NELL1: variants seen among roughly 807,000 people sequenced by gnomAD.
The protein encoded by NELL1 is protein kinase C-binding protein NELL1.
In NELL1, 76 loss-of-function variants were observed where a neutral mutation model predicts 107.4. The observed-to-expected ratio is 0.71, with a 90% CI of 0.59 to 0.86. The LOEUF (loss-of-function observed/expected upper bound fraction) is 0.86. NELL1 is among the 40% of genes least tolerant of loss of function. The pLI, the probability that NELL1 is intolerant of heterozygous loss-of-function variation, is 0.00. For missense variants in NELL1, 1,024 were observed against 1,005.5 expected, an observed-to-expected ratio of 1.02 and a Z score of -0.25; for synonymous variants, 353 against 341.2, an observed-to-expected ratio of 1.03 and a Z score of -0.38.
Position 20,783,759 on chromosome 11 carries a change from C to T in NELL1, c.264C>T (p.Thr88=). The T allele has an allele frequency of 1.2e-6, 2 of 1,613,886 alleles. No individual in the cohort carries two copies. The highest frequency in any genetic ancestry group is 1.7e-6 in the Non-Finnish European group (2 of 1,179,858). ...TGTTCCGGAACAAGAGTGAATTCAC[C>T]ATTTTGGCCACTGTACAGCAGAAGC... ...IQLFRNKSEF[T]ILATVQQKPS... Residue 88 remains threonine (T), a synonymous_variant, in exon 3 of 20, where the codon ACC becomes ACT. Transcript: ENST00000357134.
intron 4 of NELL1, among the ~76,000 whole-genome samples, chr11:20,877,196 G>A (rs1849321615): frequency 6.6e-6 from 1 of 152,180 alleles, no homozygotes; most frequent in African/African-American, 2.4e-5. Flanking sequence ...GTAAAGATGA[G>A]GCTCTGTATA....
At chr11:21,292,202 T>G (rs1025333207) in intron 14 of NELL1, among the ~76,000 whole-genome samples, 2 of 152,306 alleles carry the variant, frequency 1.3e-5, no homozygotes, top group Admixed American at 1.3e-4. Flanking sequence ...AAAATCTCCT[T>G]AACCTACCTG....
intron 5 of NELL1, among the ~76,000 whole-genome samples, chr11:20,903,757 G>A (rs948583519): frequency 2.0e-5 from 3 of 152,112 alleles, no homozygotes; most frequent in African/African-American, 7.2e-5. Context: ...TAGAAAACCT[G>A]AAGCTGCTGT....
chr11:21,509,718 A>G (rs1208780555), intron 15 of NELL1, among the ~76,000 whole-genome samples: 2 of 152,198 alleles, frequency 1.3e-5, no homozygotes, highest in Non-Finnish European at 2.9e-5. Context: ...GGAAGATGTC[A>G]TCAGATAGAC....
In NELL1 at chr11:20,743,261, G is replaced by A. The variant is rs374018634; in HGVS notation, c.185-40419G>A. Among the ~76,000 whole-genome samples the A allele has an allele frequency of 5.9e-5, 9 of 151,830 alleles. No individual in the cohort carries two copies. In the East Asian group the frequency reaches 1.8e-3, roughly 30 times the overall value. On this transcript the variant is annotated intron_variant, in intron 2 of 19. Transcript: ENST00000357134. ...CCTAGCTACTTGGGAGACTGAGGTG[G>A]GACAATCCTTGAACCCGGGGGGTGG...
intron 14 of NELL1, among the ~76,000 whole-genome samples, chr11:21,300,612 T>G (rs905550909): frequency 2.0e-5 from 3 of 151,968 alleles, no homozygotes; most frequent in Admixed American, 6.6e-5. Context: ...CTTTTCCATT[T>G]TCTCTTCTTC....
chr11:20,781,505 A>T (rs1266479504), intron 2 of NELL1, among the ~76,000 whole-genome samples: 1 of 152,198 alleles, frequency 6.6e-6, no homozygotes, highest in Non-Finnish European at 1.5e-5. Context: ...CATAGCTGAT[A>T]GGATATTCAT....
chr11:21,448,831 TCAGA>T (rs750923273), intron 15 of NELL1, among the ~76,000 whole-genome samples: 3 of 152,332 alleles, frequency 2.0e-5, no homozygotes, highest in Non-Finnish European at 4.4e-5. Flanking sequence ...TCCTATTTTA[TCAGA>T]CATTTTTCAT....
intron 19 of NELL1, 129 bp from the exon 20 acceptor site, chr11:21,574,843 T>C: frequency 5.6e-6 from 4 of 715,860 alleles, no homozygotes; most frequent in South Asian, 1.8e-5. Context: ...CATTTTTTTC[T>C]AGTCATTTTT....
intron 3 of NELL1, among the ~76,000 whole-genome samples, chr11:20,833,236 G>A (rs1253061998): frequency 6.6e-6 from 1 of 152,102 alleles, no homozygotes; most frequent in Non-Finnish European, 1.5e-5. Context: ...CTTCAATATT[G>A]TATATAAAGT....
intron 14 of NELL1, among the ~76,000 whole-genome samples, chr11:21,316,398 TAAAAAG>T (rs1565164143): frequency 6.6e-6 from 1 of 152,184 alleles, no homozygotes; most frequent in African/African-American, 2.4e-5. Flanking sequence ...TGAAAACACT[TAAAAAG>T]AAGGAAGCCA....
intron 1 of NELL1, among the ~76,000 whole-genome samples, chr11:20,674,029 A>G (rs774727716): frequency 6.6e-6 from 1 of 152,218 alleles, no homozygotes; most frequent in Non-Finnish European, 1.5e-5. Context: ...GAAGAAAACT[A>G]TCCAGAAGCC....
intron 15 of NELL1, among the ~76,000 whole-genome samples, chr11:21,379,317 T>C (rs1196962120): frequency 1.3e-5 from 2 of 152,072 alleles, no homozygotes; most frequent in Non-Finnish European, 2.9e-5. Flanking sequence ...ATGCTGATGC[T>C]ATAAAAATAG....
chr11:20,764,044 G>A (rs542050732), intron 2 of NELL1, among the ~76,000 whole-genome samples: 1 of 152,296 alleles, frequency 6.6e-6, no homozygotes, highest in East Asian at 1.9e-4. Context: ...TGGGAATATG[G>A]GCTCTGCGTT....
chr11:20,726,093 T>G (rs1855501903), intron 2 of NELL1, among the ~76,000 whole-genome samples: 1 of 152,240 alleles, frequency 6.6e-6, no homozygotes, highest in African/African-American at 2.4e-5. Context: ...TTTTTATGAC[T>G]GCATAATATT....
intron 3 of NELL1, among the ~76,000 whole-genome samples, chr11:20,845,576 G>T (rs965700778): frequency 3.3e-5 from 5 of 152,088 alleles, no homozygotes; most frequent in African/African-American, 1.2e-4. Context: ...TAAGCTCGTG[G>T]TGCATTTCTA....
intron 15 of NELL1, among the ~76,000 whole-genome samples, chr11:21,390,510 A>AAAAC: frequency 7.0e-6 from 1 of 142,840 alleles, no homozygotes; most frequent in South Asian, 2.3e-4. Flanking sequence ...TGTGTGGATG[A>AAAAC]ACACACACAC....
chr11:21,567,988 T>C (rs1857009985), intron 17 of NELL1, among the ~76,000 whole-genome samples: 1 of 151,796 alleles, frequency 6.6e-6, no homozygotes, highest in Admixed American at 6.6e-5. Flanking sequence ...CACTATGGCA[T>C]AGTCAAAGAA....
intron 12 of NELL1, among the ~76,000 whole-genome samples, chr11:20,975,914 T>TA (rs1218692659): frequency 6.7e-5 from 9 of 134,050 alleles, no homozygotes; most frequent in Non-Finnish European, 9.4e-5. Flanking sequence ...GTGTATTATA[T>TA]AAACACACAT....
Sources: allele counts gnomAD v4.1 joint callset (sites outside exome capture counted in the v4.1 genomes callset), GRCh38; gene constraint gnomAD v4.1.1; transcripts MANE v1.5; gene names NCBI Gene and HGNC (gene_info 2026-07-23, HGNC 2026-07-21).